Variants in KCNN1 observed in about 807,000 individuals in gnomAD.
The protein encoded by KCNN1 is potassium calcium-activated channel subfamily N member 1.
KCNN1 carries 20 observed loss-of-function variants against 44.7 expected under a neutral mutation model. The ratio of observed to expected loss-of-function variants is 0.45; its 90% confidence interval spans 0.32 to 0.65. KCNN1 has a LOEUF of 0.65. Among genes scored for constraint, KCNN1 ranks in the 30% least tolerant of loss-of-function variants. KCNN1 has a pLI of 0.05. For synonymous variants in KCNN1, 324 were observed against 341.7 expected, an observed-to-expected ratio of 0.95 and a Z score of 0.57; for missense variants, 632 against 785.3, an observed-to-expected ratio of 0.80 and a Z score of 2.33.
At chr19:17,953,915 A>G (rs1226514800) in intron 1 of KCNN1, among the ~76,000 whole-genome samples, 2 of 150,716 alleles carry the variant, frequency 1.3e-5, no homozygotes, top group Non-Finnish European at 3.0e-5. Flanking sequence ...GGGTGACAAA[A>G]TGTCACCTCC....
At chr19:17,981,292 C>T (rs1317846292) in intron 3 of KCNN1, among the ~76,000 whole-genome samples, 1 of 147,492 alleles carries the variant, frequency 6.8e-6, no homozygotes, top group African/African-American at 2.5e-5. Flanking sequence ...TGGCTTACGC[C>T]TGTAATCCCT....
intron 3 of KCNN1, among the ~76,000 whole-genome samples, chr19:17,979,896 G>A (rs1288878876): frequency 1.3e-5 from 2 of 151,916 alleles, no homozygotes; most frequent in African/African-American, 2.4e-5. Context: ...TTATACACAC[G>A]TTCAGAAGGA....
Position 17,982,029 on chromosome 19 carries a change from C to G in KCNN1, c.819C>G (p.Val273=). 1 of 1,610,026 alleles carries G rather than the reference C, an allele frequency of 6.2e-7. No individual in the cohort carries two copies. The highest frequency in any genetic ancestry group is 8.5e-7 in the Non-Finnish European group (1 of 1,178,374). Residue 273 remains valine (V), a synonymous_variant, in exon 4 of 10, where the codon GTC becomes GTG. Transcript: ENST00000684775. ...AGATCACCTTCAACACGCGCTTCGT[C>G]ATGAAGACACTCATGACCATCTGCC... ...LNKITFNTRF[V]MKTLMTICPG... is the part of the protein sequence containing the mutation.
chr19:17,982,073 T>G lies in KCNN1; in HGVS notation c.863T>G (p.Val288Gly). Residue 288 changes from valine (V) to glycine (G), a missense_variant, in exon 4 of 10, where the codon GTC (valine) becomes GGC (glycine). Val to Gly is a moderately radical substitution (Grantham distance 109). Coordinates refer to ENST00000684775, the MANE Select transcript of KCNN1 (RefSeq NM_001386974.1). ...MTICPGTVLL[V>G]FSISSWIIAA... is the part of the protein sequence containing the mutation. ...ATCTGCCCCGGCACCGTGCTGCTGG[T>G]CTTCAGCATCTCCTCCTGGATCATC... 1 of 1,606,712 alleles carries G rather than the reference T, an allele frequency of 6.2e-7. No individual in the cohort carries two copies. Among genetic ancestry groups the G allele is most frequent in the Non-Finnish European group, 8.5e-7 (1 of 1,177,372 alleles).
chr19:17,987,836 CA>C (rs973068020), intron 5 of KCNN1, among the ~76,000 whole-genome samples: 470 of 54,572 alleles, frequency 8.6e-3, no homozygotes, highest in Non-Finnish European at 0.012. Context: ...ATATCGCTAC[CA>C]AAAAAAAAAA....
At chr19:17,966,879 T>A (rs1157750149), upstream of KCNN1, among the ~76,000 whole-genome samples, 1 of 136,766 alleles carries the variant, frequency 7.3e-6, no homozygotes, top group Non-Finnish European at 1.6e-5. Context: ...TCCGGAGGGC[T>A]GTTGGGGGCG....
chr19:17,990,070 A>G, intron 7 of KCNN1: 1 of 690,200 alleles, frequency 1.4e-6, no homozygotes, highest in Non-Finnish European at 2.6e-6. Context: ...TGTATATTTT[A>G]TTCTCTGGAA....
chr19:17,971,638 C>A (rs1024363295), intron 1 of KCNN1, among the ~76,000 whole-genome samples: 1 of 151,416 alleles, frequency 6.6e-6, no homozygotes, highest in Admixed American at 6.6e-5. Flanking sequence ...AATTTTTTGT[C>A]TTTTTAGTAG....
intron 1 of KCNN1, among the ~76,000 whole-genome samples, chr19:17,972,922 C>T (rs2032070551): frequency 6.6e-6 from 1 of 152,154 alleles, no homozygotes; most frequent in African/African-American, 2.4e-5. Flanking sequence ...CACATAAAGT[C>T]AGCAGGCAGG....
At chr19:17,987,892 C>T (rs2145960862) in intron 5 of KCNN1, among the ~76,000 whole-genome samples, 1 of 151,244 alleles carries the variant, frequency 6.6e-6, no homozygotes, top group Admixed American at 6.6e-5. Context: ...CCTGTACTCC[C>T]AGCACTTTGG....
At chr19:17,957,000 C>T (rs918210786) in intron 2 of KCNN1, among the ~76,000 whole-genome samples, 1 of 149,476 alleles carries the variant, frequency 6.7e-6, no homozygotes, top group African/African-American at 2.5e-5. Flanking sequence ...TGCAGTGAGC[C>T]GAAATTGCAG....
rs1486296801 is a variant in KCNN1 at position 17,982,019 on chromosome 19, C to A, written c.809C>A (p.Thr270Lys). ...IGALNKITFN[T>K]RFVMKTLMTI... is the part of the protein sequence containing the mutation. ...GCCCTCAACAAGATCACCTTCAACA[C>A]GCGCTTCGTCATGAAGACACTCATG... The change falls in exon 4 of 10, where the codon ACG becomes AAG. Residue 270 changes from threonine (T) to lysine (K), a missense_variant. Physicochemically the swap from Thr to Lys is moderately conservative, Grantham distance 78 (BLOSUM62 -1). Around this residue, in one of 3 missense-constraint regions of KCNN1, gnomAD observed 160 missense variants for 308.3 expected, o/e 0.52. Transcript: ENST00000684775. 1 of 1,610,100 alleles carries A rather than the reference C, an allele frequency of 6.2e-7. No homozygotes were observed. Among genetic ancestry groups the A allele is most frequent in the Admixed American group, 1.7e-5 (1 of 59,514 alleles).
chr19:17,954,422 A>G (rs1297125605), intron 1 of KCNN1: 1 of 151,826 alleles, frequency 6.6e-6, no homozygotes, highest in Non-Finnish European at 1.5e-5. Flanking sequence ...ACATCACTAC[A>G]CTCCAGCCTG....
upstream of KCNN1, among the ~76,000 whole-genome samples, chr19:17,962,713 T>A (rs1303255388): frequency 6.6e-6 from 1 of 151,960 alleles, no homozygotes; most frequent in East Asian, 1.9e-4. Flanking sequence ...TCTTGTTTTT[T>A]TTTTTTCTTT....
At chr19:17,987,339 A>G (rs966072415) in intron 5 of KCNN1, among the ~76,000 whole-genome samples, 1 of 151,704 alleles carries the variant, frequency 6.6e-6, no homozygotes, top group Non-Finnish European at 1.5e-5. Context: ...CGAACTCTTG[A>G]CCTCAGGTGA....
Position 17,995,013 on chromosome 19 carries a change from G to C in KCNN1, c.1377+1454G>C, listed in dbSNP as rs189029365. ...GCTACATCCCCTGATCTATCAGTCAGCTTGAGGCTAATTTCATGTTATCTT... is the reference window on the plus strand; with the variant it reads ...GCTACATCCCCTGATCTATCAGTCACCTTGAGGCTAATTTCATGTTATCTT... On this transcript the variant is annotated intron_variant, in intron 9 of 9. Transcript: ENST00000684775. Among the ~76,000 whole-genome samples the C allele has an allele frequency of 3.8e-4, 58 of 152,262 alleles. 2 individuals carry two copies. Among genetic ancestry groups the C allele is most frequent in the South Asian group, 4.1e-4 (2 of 4,826 alleles).
At chr19:17,996,166 C>CAAAAAAAAA (rs757072562) in intron 9 of KCNN1, among the ~76,000 whole-genome samples, 2 of 92,088 alleles carry the variant, frequency 2.2e-5, no homozygotes, top group Non-Finnish European at 2.1e-5. Flanking sequence ...TCCATTGCTA[C>CAAAAAAAAA]AAAAAAAAAA....
intron 7 of KCNN1, 165 bp downstream of exon 7, chr19:17,990,008 G>T: frequency 1.1e-6 from 1 of 882,842 alleles, no homozygotes. Flanking sequence ...TTCAGAGGGA[G>T]GCAGATGATG....
intron 2 of KCNN1, among the ~76,000 whole-genome samples, chr19:17,960,562 G>A (rs1283629035): frequency 1.3e-5 from 2 of 151,968 alleles, no homozygotes; most frequent in Non-Finnish European, 2.9e-5. Flanking sequence ...CGTGGGAGGC[G>A]GAGGTTGCAG....
Sources: gnomAD v4.1 joint callset for allele counts (sites outside exome capture counted in the v4.1 genomes callset) on GRCh38, gnomAD v4.1.1 for gene constraint, gnomAD v4.1.1 regional missense constraint, MANE v1.5 for transcripts, NCBI Gene and HGNC (gene_info 2026-07-23, HGNC 2026-07-21) for gene names.